Variants in PFKL observed in about 807,000 individuals in gnomAD.
PFKL encodes ATP-dependent 6-phosphofructokinase, liver type.
In PFKL, 74 loss-of-function variants were observed where a neutral mutation model predicts 92.1. The ratio of observed to expected loss-of-function variants is 0.80; its 90% CI spans 0.67 to 0.97. The LOEUF is 0.97. PFKL is among the 50% of genes least tolerant of loss of function. The pLI, the probability that PFKL is intolerant of heterozygous loss-of-function variation, is 0.00. For synonymous variants in PFKL, 494 were observed against 456.4 expected (o/e 1.08, Z -1.05); for missense variants, 1,028 against 1,116.6 (o/e 0.92, Z 1.13).
rs531218813 is a variant in PFKL at position 44,317,633 on chromosome 21, G to A, written c.937-837G>A. 3.9e-3 allele frequency among the ~76,000 whole-genome samples: 588 copies of A among 152,298 alleles called. 7 individuals carry two copies. The highest frequency in any genetic ancestry group is 0.013 in the African/African-American group (560 of 41,558). On this transcript the variant is annotated intron_variant, in intron 9 of 21. Coordinates refer to ENST00000349048, the MANE Select transcript of PFKL (RefSeq NM_002626.6). ...AAAGGACAGTTGATCGCCCCTAGCC[G>A]CGGCTGTCACCCAGAGCGTCAGCAT... is the stretch of plus-strand genomic sequence containing the variant.
At position 44,316,476 on chromosome 21, in the gene PFKL, G is replaced by A; in HGVS notation, c.888G>A (p.Leu296=). The A allele has an allele frequency of 6.2e-7, 1 of 1,609,670 alleles. No individual in the cohort carries two copies. The highest frequency in any genetic ancestry group is 8.5e-7 in the Non-Finnish European group (1 of 1,177,348). The stretch of plus-strand genomic sequence containing the variant: ...GCTTCGACACCCGTGTAACTGTGCT[G>A]GGCCACGTGCAGCGGGGAGGGACGC... ...RLGFDTRVTV[L]GHVQRGGTPS... is the part of the protein sequence containing the mutation. Residue 296 remains leucine (L), a synonymous_variant, in exon 9 of 22, where the codon CTG becomes CTA. Transcript: ENST00000349048.
At chr21:44,301,062 C>G (rs979971309) in intron 1 of PFKL, among the ~76,000 whole-genome samples, 3 of 152,216 alleles carry the variant, frequency 2.0e-5, no homozygotes, top group African/African-American at 7.2e-5. Flanking sequence ...GGGGTCTGGT[C>G]TGTCTTTTAG....
In PFKL at chr21:44,324,891, A is replaced by G; in HGVS notation, c.1851A>G (p.Thr617=). ...AGCACATGACGGAGAAGATGAAGAC[A>G]GACATTCAGAGGGGCCTGGTGCTGC... is the stretch of plus-strand genomic sequence containing the variant. ...NVEHMTEKMK[T]DIQRGLVLRN... Residue 617 remains threonine (T), a synonymous_variant, in exon 18 of 22, where the codon ACA becomes ACG. Transcript: ENST00000349048. The G allele has an allele frequency of 1.2e-6, 2 of 1,608,836 alleles. No individual in the cohort carries two copies. Among genetic ancestry groups the G allele is most frequent in the Non-Finnish European group, 1.7e-6 (2 of 1,177,906 alleles).
chr21:44,300,319 C>CGCCCCGGCCTCCTGCCCCGGCCTCCT, intron 1 of PFKL, 129 bp downstream of exon 1: 1 of 267,658 alleles, frequency 3.7e-6, no homozygotes, highest in East Asian at 1.6e-4. Context: ...CCCGGCCTCC[C>CGCCCCGGCCTCCTGCCCCGGCCTCCT]GCCCCGGCCT....
rs1249264508 is a variant in PFKL, at chr21:44,326,024, T to G, written c.2053T>G (p.Trp685Gly). 2.5e-6 allele frequency: 4 copies of G among 1,613,626 alleles called. No individual in the cohort carries two copies. The highest frequency in any genetic ancestry group is 1.7e-6 in the Non-Finnish European group (2 of 1,179,928). The part of the protein sequence containing the change: ...GTKLGVKAML[W>G]LSEKLREVYR... ...CAAGCTGGGGGTGAAGGCCATGCTG[T>G]GGTTGTCGGAGAAGCTGCGCGAGGT... is the stretch of plus-strand genomic sequence containing the variant. Residue 685 changes from tryptophan (W) to glycine (G), a missense_variant, in exon 20 of 22, where the codon TGG becomes GGG. Trp to Gly is a radical substitution (Grantham distance 184). Transcript: ENST00000349048.
At chr21:44,323,482 G>A (rs1413183097) in intron 15 of PFKL, among the ~76,000 whole-genome samples, 1 of 152,154 alleles carries the variant, frequency 6.6e-6, no homozygotes, top group African/African-American at 2.4e-5. Flanking sequence ...ATAAATGACA[G>A]CCCTTCCCCC....
intron 7 of PFKL, chr21:44,315,894 C>T: frequency 2.9e-6 from 1 of 346,332 alleles, no homozygotes; most frequent in South Asian, 2.7e-5. Flanking sequence ...GAGCTGCAGC[C>T]CTGTGCGTCT....
chr21:44,326,635 G>T (rs1057233878), intron 21 of PFKL, 80 bp from the exon 22 acceptor site: 5 of 1,363,242 alleles, frequency 3.7e-6, no homozygotes, highest in Non-Finnish European at 5.0e-6. Context: ...GGTCGGGGGG[G>T]GTGGGGGGGC....
intron 1 of PFKL, among the ~76,000 whole-genome samples, chr21:44,305,011 C>T (rs1371839589): frequency 1.3e-5 from 2 of 152,156 alleles, no homozygotes; most frequent in Non-Finnish European, 2.9e-5. Context: ...GCCCCTTCTT[C>T]TGGATGGCTG....
Position 44,300,084 on chromosome 21 carries a change from G to C in PFKL, c.-22G>C. 9.1e-7 allele frequency: 1 copy of C among 1,104,550 alleles called. No individual in the cohort carries two copies. The highest frequency in any genetic ancestry group is 1.1e-6 in the Non-Finnish European group (1 of 897,322). The allele number at this position is 1,104,550 out of a possible 1,614,324, so 68.4% of individuals were successfully genotyped here. On this transcript the variant is annotated 5_prime_UTR_variant, in exon 1 of 22. Coordinates refer to ENST00000349048, the MANE Select transcript of PFKL (RefSeq NM_002626.6). ...GCGCAGGCGGCGGGAGTGCGAGCTG[G>C]GCCCGTGTTTCGGCCGCCGCCATGG...
At chr21:44,311,798 G>A (rs946412918) in intron 3 of PFKL, among the ~76,000 whole-genome samples, 4 of 152,174 alleles carry the variant, frequency 2.6e-5, no homozygotes, top group African/African-American at 4.8e-5. Context: ...ACGTGTGCAC[G>A]CACATGTGTG....
At chr21:44,306,155 CTT>C (rs1237642225) in intron 1 of PFKL, among the ~76,000 whole-genome samples, 1 of 152,254 alleles carries the variant, frequency 6.6e-6, no homozygotes, top group Non-Finnish European at 1.5e-5. Flanking sequence ...GTGCCGGCCT[CTT>C]TTCCACCTGC....
intron 9 of PFKL, among the ~76,000 whole-genome samples, chr21:44,316,766 T>G (rs1414619178): frequency 1.3e-5 from 2 of 151,888 alleles, no homozygotes; most frequent in Admixed American, 6.6e-5. Context: ...TCAGTGTGGG[T>G]GTGTGTGGGT....
At chr21:44,304,260 CTT>C (rs2040861674) in intron 1 of PFKL, 1 of 1,289,130 alleles carries the variant, frequency 7.8e-7, no homozygotes, top group African/African-American at 1.5e-5. Context: ...CCTGGGGCCC[CTT>C]TGCCGTTCCC....
Position 44,326,968 on chromosome 21 carries a change from G to A in PFKL, c.*106G>A. The A allele has an allele frequency of 9.3e-7, 1 of 1,072,922 alleles. No homozygotes were observed. The highest frequency in any genetic ancestry group is 1.4e-6 in the Non-Finnish European group (1 of 731,116). 66.5% of individuals were successfully genotyped at this position (1,072,922 alleles called of 1,614,324 possible). On this transcript the variant is annotated 3_prime_UTR_variant, in exon 22 of 22. Coordinates refer to ENST00000349048, the MANE Select transcript of PFKL (RefSeq NM_002626.6). ...TGTCTGGAGCCTGCAGGCAGGTGGGGGCTGCGTCCCTGCTCAGCCCATCCC... is the reference window on the plus strand; with the variant it reads ...TGTCTGGAGCCTGCAGGCAGGTGGGAGCTGCGTCCCTGCTCAGCCCATCCC...
In PFKL at chr21:44,314,259, G is replaced by A. The variant is rs981621447; in HGVS notation, c.747+238G>A. 293 of 545,536 alleles carry A rather than the reference G, an allele frequency of 5.4e-4. 2 individuals are homozygous for A. The highest frequency in any genetic ancestry group is 1.6e-3 in the East Asian group (53 of 32,720). The allele number at this position is 545,536 out of a possible 1,614,324, so 33.8% of individuals were successfully genotyped here. On this transcript the variant is annotated intron_variant, in intron 7 of 21. Transcript: ENST00000349048. ...GGCGGAGAGGGTCACTCAGGCTGCC[G>A]CCGCCCCAGGCTCAGCCCCGTGGTC...
rs1555874961 is a variant in PFKL, at chr21:44,303,441, A to AAAAAAAAACTTGATCG, written c.86-3232_86-3231insCTTGATCGAAAAAAAA. 3.1e-4 allele frequency among the ~76,000 whole-genome samples: 30 copies of AAAAAAAAACTTGATCG among 97,086 alleles called. 1 individual carries two copies. The highest frequency in any genetic ancestry group is 6.7e-4 in the Admixed American group (6 of 8,948). 63.7% of individuals were successfully genotyped at this position (97,086 alleles called of 152,430 possible). A position where few individuals can be genotyped will look rare whatever the true frequency, so the allele number is the denominator to read the frequency against. The stretch of plus-strand genomic sequence containing the variant: ...AAAAAAACAGACTTGACCAAAAAAA[A>AAAAAAAAACTTGATCG]AAAAAAAAAAAAAATGGCCCGGCCT... On this transcript the variant is annotated intron_variant, in intron 1 of 21. Transcript: ENST00000349048.
intron 21 of PFKL, 47 bp downstream of exon 21, chr21:44,326,311 G>A: frequency 7.1e-7 from 1 of 1,405,914 alleles, no homozygotes; most frequent in Non-Finnish European, 9.9e-7. Context: ...CTGAGGGGTG[G>A]CCCAGACCTT....
intron 2 of PFKL, among the ~76,000 whole-genome samples, chr21:44,310,210 G>A (rs2041075575): frequency 6.6e-6 from 1 of 152,266 alleles, no homozygotes; most frequent in African/African-American, 2.4e-5. Context: ...CAAACAACAA[G>A]AAAGGGCTGG....
Sources: gnomAD v4.1 joint callset for allele counts (sites outside exome capture counted in the v4.1 genomes callset) on GRCh38, gnomAD v4.1.1 for gene constraint, MANE v1.5 for transcripts, NCBI Gene and HGNC (gene_info 2026-07-23, HGNC 2026-07-21) for gene names.